Variants in DSCAM observed in about 807,000 individuals in gnomAD.
DSCAM encodes the protein cell adhesion molecule DSCAM.
DSCAM carries 47 observed loss-of-function variants against 217.7 expected under a neutral mutation model. The observed-to-expected ratio is 0.22, with a 90% CI of 0.17 to 0.28. The LOEUF (loss-of-function observed/expected upper bound fraction) is 0.28, where lower values mean the gene tolerates loss of function less well. Among genes scored for constraint, DSCAM ranks in the 10% least tolerant of loss-of-function variants. The pLI is 1.00. For missense variants in DSCAM, 2,080 were observed against 2,618.3 expected (o/e 0.79, Z 4.49); for synonymous variants, 1,056 against 1,015.3 (o/e 1.04, Z -0.76).
At chr21:40,655,446 C>CTTTTTT (rs376852214) in intron 3 of DSCAM, among the ~76,000 whole-genome samples, 5 of 138,852 alleles carry the variant, frequency 3.6e-5, no homozygotes, top group African/African-American at 8.1e-5. Flanking sequence ...ATCTGTCTCT[C>CTTTTTT]TTTTTTTTTT....
intron 15 of DSCAM, among the ~76,000 whole-genome samples, chr21:40,172,341 A>T (rs1437120029): frequency 6.6e-6 from 1 of 152,270 alleles, no homozygotes; most frequent in Non-Finnish European, 1.5e-5. Context: ...TCTGTAAAGC[A>T]GTAATAAGCG....
At chr21:40,508,750 TATATATATATATATATATATATATATATA>T (rs2076230136) in intron 3 of DSCAM, among the ~76,000 whole-genome samples, 3 of 2,646 alleles carry the variant, frequency 1.1e-3, no homozygotes, top group African/African-American at 8.1e-3. Context: ...TATATATATA[TATATATATATATATATATATATATATATA>T]TATATTTTTT....
intron 3 of DSCAM, among the ~76,000 whole-genome samples, chr21:40,425,655 C>T (rs1286265921): frequency 8.0e-6 from 1 of 124,420 alleles, no homozygotes; most frequent in Admixed American, 9.5e-5. Context: ...CAACAAAGAG[C>T]GAAACTCGGT....
At chr21:40,416,500 T>C (rs1183768659) in intron 3 of DSCAM, among the ~76,000 whole-genome samples, 4 of 152,204 alleles carry the variant, frequency 2.6e-5, no homozygotes, top group Admixed American at 2.6e-4. Flanking sequence ...TGTGTAAATG[T>C]TGTCATTTTG....
At chr21:40,030,948 T>C (rs1399757235) in intron 32 of DSCAM, among the ~76,000 whole-genome samples, 10 of 152,144 alleles carry the variant, frequency 6.6e-5, no homozygotes, top group Admixed American at 6.5e-4. Context: ...ACCATCCTCC[T>C]GCCACTGTGT....
chr21:40,607,719 C>T (rs1271706335), intron 3 of DSCAM, among the ~76,000 whole-genome samples: 1 of 152,120 alleles, frequency 6.6e-6, no homozygotes, highest in Non-Finnish European at 1.5e-5. Flanking sequence ...CTCTTGCCTG[C>T]TGCCATGTAA....
chr21:40,244,556 T>C (rs775187909), intron 11 of DSCAM, among the ~76,000 whole-genome samples: 21 of 152,148 alleles, frequency 1.4e-4, no homozygotes, highest in Non-Finnish European at 2.2e-4. Flanking sequence ...TTTTGTTTTC[T>C]GTGATGCAGA....
chr21:40,779,972 G>A (rs1377511717), intron 1 of DSCAM, among the ~76,000 whole-genome samples: 1 of 152,204 alleles, frequency 6.6e-6, no homozygotes, highest in Non-Finnish European at 1.5e-5. Flanking sequence ...GACACCTGAT[G>A]TACAGATCAA....
intron 3 of DSCAM, among the ~76,000 whole-genome samples, chr21:40,678,315 G>C (rs2090363058): frequency 6.6e-6 from 1 of 152,196 alleles, no homozygotes; most frequent in South Asian, 2.1e-4. Flanking sequence ...TTAAATGACA[G>C]TAATGGAGAA....
At chr21:40,236,652 A>G (rs573049439) in intron 11 of DSCAM, among the ~76,000 whole-genome samples, 1 of 152,198 alleles carries the variant, frequency 6.6e-6, no homozygotes, top group Non-Finnish European at 1.5e-5. Flanking sequence ...ACTGAGCCCT[A>G]GGCATTAGTT....
intron 1 of DSCAM, among the ~76,000 whole-genome samples, chr21:40,817,362 A>G (rs1435638483): frequency 2.0e-5 from 3 of 152,174 alleles, no homozygotes; most frequent in African/African-American, 7.2e-5. Flanking sequence ...CCTATGATAA[A>G]AGGTTATTTT....
chr21:40,412,562 T>C (rs2123797798), intron 3 of DSCAM, among the ~76,000 whole-genome samples: 1 of 152,312 alleles, frequency 6.6e-6, no homozygotes, highest in East Asian at 1.9e-4. Context: ...TGTGGAACTT[T>C]GAACTTGACA....
intron 3 of DSCAM, among the ~76,000 whole-genome samples, chr21:40,678,788 A>G (rs2090368763): frequency 6.6e-6 from 1 of 152,210 alleles, no homozygotes; most frequent in Admixed American, 6.5e-5. Context: ...CCCTTTAGAT[A>G]AAAAACTGAA....
At chr21:40,564,260 C>A (rs1015556186) in intron 3 of DSCAM, among the ~76,000 whole-genome samples, 2 of 152,146 alleles carry the variant, frequency 1.3e-5, no homozygotes, top group East Asian at 3.9e-4. Context: ...ACAAAACAGA[C>A]CACTGCAGGG....
chr21:40,344,372 G>A (rs1240578772), intron 6 of DSCAM, among the ~76,000 whole-genome samples: 1 of 151,962 alleles, frequency 6.6e-6, no homozygotes, highest in Non-Finnish European at 1.5e-5. Flanking sequence ...ATATCCTGTA[G>A]ATATAAATGT....
At chr21:40,638,334 A>T (rs371957949) in intron 3 of DSCAM, among the ~76,000 whole-genome samples, 1 of 152,216 alleles carries the variant, frequency 6.6e-6, no homozygotes. Context: ...TCAGTGAACC[A>T]TGCATAACTT....
At chr21:40,184,955 G>A (rs1441597382) in intron 14 of DSCAM, among the ~76,000 whole-genome samples, 1 of 152,158 alleles carries the variant, frequency 6.6e-6, no homozygotes, top group African/African-American at 2.4e-5. Flanking sequence ...AACGAGGAAG[G>A]CGTTTTCAAT....
rs116020067 is a variant in DSCAM, at chr21:40,045,476, G to A, written c.5186-1201C>T. 3.3e-3 allele frequency among the ~76,000 whole-genome samples: 507 copies of A among 152,326 alleles called. 5 individuals carry two copies. The highest frequency in any genetic ancestry group is 0.012 in the African/African-American group (488 of 41,580). On this transcript the variant is annotated intron_variant, in intron 30 of 32. Transcript: ENST00000400454. Reference sequence around the variant, plus strand: ...AGGCAGCAAGTCTATGGGGTGGACGGAGTTCTTAGCTCAACCCTTTGGTGA... The same window carrying A: ...AGGCAGCAAGTCTATGGGGTGGACGAAGTTCTTAGCTCAACCCTTTGGTGA...
At chr21:40,423,349 CGA>C (rs59854604) in intron 3 of DSCAM, among the ~76,000 whole-genome samples, 18 of 151,808 alleles carry the variant, frequency 1.2e-4, no homozygotes, top group East Asian at 9.7e-4. Context: ...TTATCCACAA[CGA>C]GAGAGAGAGA....
Sources: gnomAD v4.1 joint callset for allele counts (sites outside exome capture counted in the v4.1 genomes callset) on GRCh38, gnomAD v4.1.1 for gene constraint, MANE v1.5 for transcripts, NCBI Gene and HGNC (gene_info 2026-07-23, HGNC 2026-07-21) for gene names.